MEI4: variants seen among roughly 807,000 people sequenced by gnomAD.
MEI4 encodes meiotic double-stranded break formation protein 4.
In MEI4, 27 loss-of-function variants were observed where a neutral mutation model predicts 31.4. That is an observed-to-expected ratio of 0.86 (90% CI 0.63 to 1.19). The LOEUF is 1.19. MEI4 is among the 50% of genes most tolerant of loss of function. MEI4 has a pLI of 0.00. For synonymous variants in MEI4, 122 were observed against 145.4 expected, an observed-to-expected ratio of 0.84 and a Z score of 1.16; for missense variants, 329 against 398.9, an observed-to-expected ratio of 0.82 and a Z score of 1.49.
chr6:77,890,510 A>C (rs946750917), intron 4 of MEI4, among the ~76,000 whole-genome samples: 1 of 152,184 alleles, frequency 6.6e-6, no homozygotes, highest in African/African-American at 2.4e-5. Context: ...TTGATTTTAC[A>C]GGCTCATAGA....
intron 4 of MEI4, among the ~76,000 whole-genome samples, chr6:77,859,628 C>T (rs1206195504): frequency 6.6e-6 from 1 of 152,044 alleles, no homozygotes; most frequent in Non-Finnish European, 1.5e-5. Context: ...TGATGTTGAG[C>T]TTTTTTTCAT....
chr6:77,744,994 G>T (rs555116360), intron 2 of MEI4, among the ~76,000 whole-genome samples: 7 of 152,234 alleles, frequency 4.6e-5, no homozygotes, highest in Admixed American at 2.0e-4. Context: ...AGGAACAACC[G>T]GTACCAGCCA....
At chr6:77,696,605 G>C (rs1766052756) in intron 2 of MEI4, among the ~76,000 whole-genome samples, 3 of 151,394 alleles carry the variant, frequency 2.0e-5, no homozygotes, top group Admixed American at 2.0e-4. Flanking sequence ...TTGCATCCCA[G>C]GGATGAAGCC....
intron 4 of MEI4, among the ~76,000 whole-genome samples, chr6:77,831,352 A>G (rs1239433055): frequency 6.6e-6 from 1 of 151,874 alleles, no homozygotes; most frequent in Non-Finnish European, 1.5e-5. Context: ...ACATTCCTCA[A>G]AAATCTAAAA....
intron 2 of MEI4, among the ~76,000 whole-genome samples, chr6:77,736,298 G>A (rs907524056): frequency 7.9e-5 from 12 of 151,936 alleles, no homozygotes; most frequent in Non-Finnish European, 1.2e-4. Context: ...CTCCGTGGGC[G>A]TATTACCCTC....
chr6:77,745,112 CAT>C (rs1389474532), intron 2 of MEI4, among the ~76,000 whole-genome samples: 3 of 152,140 alleles, frequency 2.0e-5, no homozygotes, highest in Non-Finnish European at 4.4e-5. Context: ...CAAATTCACA[CAT>C]AACAATATTA....
chr6:77,751,810 C>T (rs1021257423), intron 2 of MEI4, among the ~76,000 whole-genome samples: 6 of 151,972 alleles, frequency 3.9e-5, no homozygotes, highest in Non-Finnish European at 5.9e-5. Context: ...AGAGACACAA[C>T]AAAAAAAGAA....
chr6:77,887,098 A>G (rs956184300), intron 4 of MEI4, among the ~76,000 whole-genome samples: 1 of 151,484 alleles, frequency 6.6e-6, no homozygotes, highest in Non-Finnish European at 1.5e-5. Context: ...TTATTGCTGT[A>G]AGCTTCCCTC....
chr6:77,907,912 T>C (rs1476718718), intron 4 of MEI4, among the ~76,000 whole-genome samples: 1 of 152,044 alleles, frequency 6.6e-6, no homozygotes, highest in African/African-American at 2.4e-5. Context: ...ATGACGAGCG[T>C]GTTTTCATTT....
chr6:77,776,573 G>A (rs530275641), intron 3 of MEI4, among the ~76,000 whole-genome samples: 7 of 152,154 alleles, frequency 4.6e-5, no homozygotes, highest in Admixed American at 1.3e-4. Context: ...TGTGAAGGAT[G>A]TAAAACTGGA....
intron 4 of MEI4, among the ~76,000 whole-genome samples, chr6:77,864,060 T>G (rs1223559793): frequency 6.6e-6 from 1 of 152,128 alleles, no homozygotes; most frequent in African/African-American, 2.4e-5. Flanking sequence ...AGGCCTGCCC[T>G]AAAAGAGCTC....
rs534396595 is a variant in MEI4, at chr6:77,728,169, G to T, written c.233-32961G>T. 2.6e-5 allele frequency among the ~76,000 whole-genome samples: 4 copies of T among 152,210 alleles called. No individual in the cohort carries two copies. The South Asian group carries it at 8.3e-4, about 32-fold the overall frequency. On this transcript the variant is annotated intron_variant, in intron 2 of 4. Coordinates refer to ENST00000684080, the MANE Select transcript of MEI4 (RefSeq NM_001322247.2). ...GTTTATTGGTTGGATGATTATATAGGTAACTGAAAGTTAAAAAAATATTTT... is the reference window on the plus strand; with the variant it reads ...GTTTATTGGTTGGATGATTATATAGTTAACTGAAAGTTAAAAAAATATTTT...
chr6:77,790,586 T>C (rs537724544), intron 3 of MEI4, among the ~76,000 whole-genome samples: 1 of 152,042 alleles, frequency 6.6e-6, no homozygotes, highest in African/African-American at 2.4e-5. Context: ...ATTAACAAAA[T>C]ACATATTGAA....
chr6:77,707,900 G>GC (rs1381246583), intron 2 of MEI4, among the ~76,000 whole-genome samples: 1 of 152,238 alleles, frequency 6.6e-6, no homozygotes, highest in Non-Finnish European at 1.5e-5. Context: ...AGTGAAGGAG[G>GC]CTTGGCAGCC....
intron 3 of MEI4, among the ~76,000 whole-genome samples, chr6:77,797,579 C>T (rs972954143): frequency 1.3e-5 from 2 of 152,020 alleles, no homozygotes; most frequent in African/African-American, 4.8e-5. Context: ...TAGTCAAAGG[C>T]CCGAGATCCC....
intron 3 of MEI4, among the ~76,000 whole-genome samples, chr6:77,765,979 A>T (rs773304825): frequency 7.9e-5 from 12 of 152,204 alleles, no homozygotes; most frequent in Non-Finnish European, 1.3e-4. Context: ...GAATTGAACA[A>T]TAAGAACACA....
At chr6:77,806,067 A>G (rs1307376825) in intron 3 of MEI4, among the ~76,000 whole-genome samples, 1 of 152,106 alleles carries the variant, frequency 6.6e-6, no homozygotes, top group Non-Finnish European at 1.5e-5. Flanking sequence ...CTTGAGGAAA[A>G]TGTATGTCCA....
intron 3 of MEI4, among the ~76,000 whole-genome samples, chr6:77,787,997 A>G (rs1001623382): frequency 6.6e-6 from 1 of 152,178 alleles, no homozygotes; most frequent in Non-Finnish European, 1.5e-5. Flanking sequence ...CTTTGGTATC[A>G]GGATGATGCT....
intron 2 of MEI4, among the ~76,000 whole-genome samples, chr6:77,756,129 A>G (rs1767910334): frequency 6.6e-6 from 1 of 152,174 alleles, no homozygotes; most frequent in Admixed American, 6.6e-5. Context: ...TGTAGTTATG[A>G]AAGACCCATT....
Sources: allele counts gnomAD v4.1 joint callset (sites outside exome capture counted in the v4.1 genomes callset), GRCh38; gene constraint gnomAD v4.1.1; transcripts MANE v1.5; gene names NCBI Gene and HGNC (gene_info 2026-07-23, HGNC 2026-07-21).